Variants in UBE2V2 observed in about 807,000 individuals in gnomAD.
UBE2V2 encodes the protein ubiquitin conjugating enzyme E2 V2.
UBE2V2 carries 9 observed loss-of-function variants against 17.2 expected under a neutral mutation model. The ratio of observed to expected loss-of-function variants is 0.52; its 90% confidence interval spans 0.32 to 0.91. UBE2V2 has a LOEUF of 0.91. Among genes scored for constraint, UBE2V2 ranks in the 40% least tolerant of loss-of-function variants. The probability of loss-of-function intolerance (pLI) is 0.04; values close to 1 mark genes in which losing one functional copy is unlikely to be tolerated. For synonymous variants in UBE2V2, 61 were observed against 57.5 expected, an observed-to-expected ratio of 1.06 and a Z score of -0.28; for missense variants, 133 against 182.6, an observed-to-expected ratio of 0.73 and a Z score of 1.56.
intron 1 of UBE2V2, among the ~76,000 whole-genome samples, chr8:48,028,912 A>G (rs2091364862): frequency 6.6e-6 from 1 of 152,086 alleles, no homozygotes; most frequent in Non-Finnish European, 1.5e-5. Flanking sequence ...CATTCTGTAG[A>G]TTGTCTTCAC....
intron 1 of UBE2V2, among the ~76,000 whole-genome samples, chr8:48,034,474 A>G (rs2091407137): frequency 6.6e-6 from 1 of 151,984 alleles, no homozygotes. Flanking sequence ...TTAAAAGTCA[A>G]TTGTAGTTTG....
intron 1 of UBE2V2, among the ~76,000 whole-genome samples, chr8:48,032,710 GAC>G (rs1470359337): frequency 3.3e-5 from 5 of 152,098 alleles, no homozygotes; most frequent in Non-Finnish European, 5.9e-5. Flanking sequence ...GAGCCATGGC[GAC>G]AGAGTCCCTG....
intron 1 of UBE2V2, among the ~76,000 whole-genome samples, chr8:48,036,364 T>G (rs1182024816): frequency 1.3e-5 from 2 of 152,116 alleles, no homozygotes; most frequent in African/African-American, 4.8e-5. Context: ...CTTCACTTAC[T>G]AGTGGGAGGA....
At chr8:48,002,033 G>A in the UBE2V2 span, among the ~76,000 whole-genome samples, 1 of 151,924 alleles carries the variant, frequency 6.6e-6, no homozygotes, top group Non-Finnish European at 1.5e-5. Context: ...AGGTTGCAGT[G>A]AGCTGAGATT....
intron 1 of UBE2V2, among the ~76,000 whole-genome samples, chr8:48,009,406 C>T (rs933206551): frequency 3.9e-5 from 6 of 151,924 alleles, no homozygotes; most frequent in African/African-American, 1.2e-4. Context: ...GCTGGGATTA[C>T]AGGCGCGTGC....
intron 1 of UBE2V2, among the ~76,000 whole-genome samples, chr8:48,019,732 G>A (rs1369776909): frequency 2.0e-5 from 3 of 150,742 alleles, no homozygotes; most frequent in African/African-American, 7.3e-5. Flanking sequence ...GGAGAATCAC[G>A]TGAACCTGGG....
In UBE2V2 at chr8:48,012,535, A is replaced by T. The variant is rs573158064; in HGVS notation, c.16+4065A>T. Among the ~76,000 whole-genome samples the T allele has an allele frequency of 1.2e-4, 18 of 152,218 alleles. No homozygotes were observed. The East Asian group carries it at 1.6e-3, about 13-fold the overall frequency. On this transcript the variant is annotated intron_variant, in intron 1 of 3. Coordinates refer to ENST00000523111, the MANE Select transcript of UBE2V2 (RefSeq NM_003350.3). ...GGAGGTTGAGACCAGCTGGACCAACATGGAGAAACCATGTCTCTACTAAAA... is the reference window on the plus strand; with the variant it reads ...GGAGGTTGAGACCAGCTGGACCAACTTGGAGAAACCATGTCTCTACTAAAA...
At chr8:48,024,544 G>A (rs952037024) in intron 1 of UBE2V2, among the ~76,000 whole-genome samples, 1 of 151,640 alleles carries the variant, frequency 6.6e-6, no homozygotes, top group Admixed American at 6.6e-5. Flanking sequence ...GTGGTGAGCC[G>A]AGATCGCGCC....
At chr8:48,050,028 A>T (rs779646776) in intron 3 of UBE2V2, 50 bp downstream of exon 3, 1 of 1,302,608 alleles carries the variant, frequency 7.7e-7, no homozygotes, top group Admixed American at 2.6e-5. Context: ...GTATAGAGTT[A>T]TATATTATAC....
chr8:48,008,320 G>T (rs2091199300), upstream of UBE2V2: 7 of 1,222,464 alleles, frequency 5.7e-6, no homozygotes, highest in South Asian at 8.2e-5. Context: ...GCCCACGTGC[G>T]CGCTGTCCCT....
intron 1 of UBE2V2, among the ~76,000 whole-genome samples, chr8:48,022,178 C>G (rs147338104): frequency 6.6e-6 from 1 of 150,834 alleles, no homozygotes; most frequent in Non-Finnish European, 1.5e-5. Context: ...GTTCTTGTCA[C>G]CCAGGCTGGA....
At chr8:48,007,201 A>G (rs1315569654), upstream of UBE2V2, among the ~76,000 whole-genome samples, 2 of 152,082 alleles carry the variant, frequency 1.3e-5, no homozygotes, top group African/African-American at 2.4e-5. Flanking sequence ...AGCCGGCACA[A>G]GACAAAGATG....
At chr8:48,035,059 A>G in intron 1 of UBE2V2, 2 of 984,892 alleles carry the variant, frequency 2.0e-6, no homozygotes, top group Non-Finnish European at 1.2e-6. Context: ...TTCCTCTTAC[A>G]AGGTGAGTGC....
chr8:48,045,690 G>A (rs1049058414), intron 2 of UBE2V2, among the ~76,000 whole-genome samples: 5 of 152,136 alleles, frequency 3.3e-5, no homozygotes, highest in African/African-American at 1.2e-4. Context: ...CCAGGCAGAG[G>A]TAGGAGGGTG....
At chr8:48,037,826 A>G (rs2091434755) in intron 1 of UBE2V2, among the ~76,000 whole-genome samples, 1 of 152,208 alleles carries the variant, frequency 6.6e-6, no homozygotes, top group African/African-American at 2.4e-5. Flanking sequence ...TTCCCTGATC[A>G]TCCTGTTTCT....
At chr8:48,043,746 C>CT (rs1239646121) in intron 2 of UBE2V2, 2 of 152,200 alleles carry the variant, frequency 1.3e-5, no homozygotes, top group African/African-American at 4.8e-5. Context: ...TATTTGCCCT[C>CT]TGACACTTCA....
At chr8:48,040,844 G>GT (rs71225699) in intron 1 of UBE2V2, among the ~76,000 whole-genome samples, 44,576 of 74,636 alleles carry the variant, frequency 0.6, 15,054 homozygotes, top group East Asian at 0.74. Context: ...GCCAGGCTGG[G>GT]TTTTTTTTTT....
chr8:48,001,676 A>G, the UBE2V2 span, among the ~76,000 whole-genome samples: 1 of 152,226 alleles, frequency 6.6e-6, no homozygotes, highest in Non-Finnish European at 1.5e-5. Context: ...CCTCCAGAAA[A>G]AACAACCCAC....
At chr8:48,045,301 A>G (rs907069115) in intron 2 of UBE2V2, among the ~76,000 whole-genome samples, 1 of 152,226 alleles carries the variant, frequency 6.6e-6, no homozygotes, top group African/African-American at 2.4e-5. Context: ...GGAAGACCCA[A>G]AGAAACAGGG....
Sources: allele counts gnomAD v4.1 joint callset (sites outside exome capture counted in the v4.1 genomes callset), GRCh38; gene constraint gnomAD v4.1.1; transcripts MANE v1.5; gene names NCBI Gene and HGNC (gene_info 2026-07-23, HGNC 2026-07-21).